Variants in HDAC8 observed in about 807,000 individuals in gnomAD.
HDAC8 encodes histone deacetylase 8.
In HDAC8, 1 loss-of-function variant was observed where a neutral mutation model predicts 32.2. The ratio of observed to expected loss-of-function variants is 0.03; its 90% CI spans 0.01 to 0.15. The LOEUF is 0.15. Among genes scored for constraint, HDAC8 ranks in the 10% least tolerant of loss-of-function variants. The pLI, the probability that HDAC8 is intolerant of heterozygous loss-of-function variation, is 1.00. For synonymous variants in HDAC8, 108 were observed against 113.9 expected, an observed-to-expected ratio of 0.95 and a Z score of 0.33; for missense variants, 117 against 300.0, an observed-to-expected ratio of 0.39 and a Z score of 4.51.
At chrX:72,430,067 C>T (rs919565237) in intron 9 of HDAC8, among the ~76,000 whole-genome samples, 39 of 112,466 alleles carry the variant, frequency 3.5e-4, no homozygotes, top group African/African-American at 1.2e-3. Flanking sequence ...AAATTGTATA[C>T]AGATAAAATG....
In HDAC8 at chrX:72,402,767, C is replaced by G. The variant is rs2045940064; in HGVS notation, c.1006-50929G>C. On this transcript the variant is annotated intron_variant, in intron 9 of 10. Coordinates refer to ENST00000373573, the MANE Select transcript of HDAC8 (RefSeq NM_018486.3). Reference sequence around the variant, plus strand: ...CTGGAGAATGTAATATTCTGTTTGTCTATTTCTTCCTTTTTCTGTGTCCAT... The same window carrying G: ...CTGGAGAATGTAATATTCTGTTTGTGTATTTCTTCCTTTTTCTGTGTCCAT... Among the ~76,000 whole-genome samples, 3 of 111,082 alleles carry G rather than the reference C, an allele frequency of 2.7e-5. No homozygotes were observed. In the Admixed American group the frequency reaches 2.9e-4, roughly 11 times the overall value.
At chrX:72,434,374 T>C (rs1452974635) in intron 9 of HDAC8, among the ~76,000 whole-genome samples, 1 of 112,087 alleles carries the variant, frequency 8.9e-6, no homozygotes, top group Non-Finnish European at 1.9e-5. Flanking sequence ...TTTAAAGAGT[T>C]CCTAAATCCT....
intron 7 of HDAC8, among the ~76,000 whole-genome samples, chrX:72,480,648 C>T (rs2048468357): frequency 8.9e-6 from 1 of 112,099 alleles, no homozygotes; most frequent in Non-Finnish European, 1.9e-5. Flanking sequence ...GACTTGGAAC[C>T]AACCCAAATG....
intron 10 of HDAC8, among the ~76,000 whole-genome samples, chrX:72,337,962 T>C (rs1015107475): frequency 1.2e-4 from 13 of 111,817 alleles, no homozygotes; most frequent in African/African-American, 4.2e-4. Flanking sequence ...CATTTCCAAC[T>C]CTTCTCATAA....
chrX:72,413,894 G>A (rs1435341879), intron 9 of HDAC8, among the ~76,000 whole-genome samples: 1 of 111,935 alleles, frequency 8.9e-6, no homozygotes, highest in Non-Finnish European at 1.9e-5. Flanking sequence ...TGGGAGAATG[G>A]ACTAATACGA....
intron 4 of HDAC8, among the ~76,000 whole-genome samples, chrX:72,504,907 T>C (rs1006943012): frequency 5.4e-5 from 6 of 111,260 alleles, no homozygotes; most frequent in Non-Finnish European, 1.1e-4. Flanking sequence ...CATCCTAGTA[T>C]GTGTGAAGTG....
At chrX:72,462,482 A>G (rs2047894110) in intron 8 of HDAC8, 1 of 120,995 alleles carries the variant, frequency 8.3e-6, no homozygotes, top group African/African-American at 3.2e-5. Flanking sequence ...TTTTGCAACA[A>G]TTCTATAAAA....
chrX:72,388,426 T>A (rs2045514534), intron 9 of HDAC8, among the ~76,000 whole-genome samples: 1 of 109,915 alleles, frequency 9.1e-6, no homozygotes, highest in Admixed American at 9.7e-5. Flanking sequence ...CTTGGGGTCT[T>A]TGGTAAGCCT....
At chrX:72,483,028 A>G (rs1556003937) in intron 7 of HDAC8, among the ~76,000 whole-genome samples, 1 of 111,742 alleles carries the variant, frequency 8.9e-6, no homozygotes, top group Non-Finnish European at 1.9e-5. Flanking sequence ...ATTTGCAAGT[A>G]CCAGTCATAG....
At chrX:72,390,914 A>G (rs2045595564) in intron 9 of HDAC8, among the ~76,000 whole-genome samples, 1 of 112,041 alleles carries the variant, frequency 8.9e-6, no homozygotes, top group Non-Finnish European at 1.9e-5. Flanking sequence ...GTTATTGCAT[A>G]ATTTATAAAA....
chrX:72,510,664 C>T (rs1427975335), intron 4 of HDAC8, among the ~76,000 whole-genome samples: 1 of 110,468 alleles, frequency 9.1e-6, no homozygotes, highest in African/African-American at 3.3e-5. Flanking sequence ...TGAGTGGGTC[C>T]GTGAAAATTG....
intron 9 of HDAC8, among the ~76,000 whole-genome samples, chrX:72,458,363 T>G (rs1341127152): frequency 8.9e-6 from 1 of 112,583 alleles, no homozygotes; most frequent in African/African-American, 3.2e-5. Flanking sequence ...ATGAGCGCTA[T>G]ACTTGAAGTC....
At chrX:72,330,874 T>C (rs2043497843) in intron 10 of HDAC8, 1 of 108,624 alleles carries the variant, frequency 9.2e-6, no homozygotes, top group Non-Finnish European at 1.9e-5. Context: ...GCTCAGTAAA[T>C]GGCTGAATGA....
At chrX:72,397,054 G>A (rs1277285255) in intron 9 of HDAC8, among the ~76,000 whole-genome samples, 1 of 110,788 alleles carries the variant, frequency 9.0e-6, no homozygotes, top group African/African-American at 3.3e-5. Flanking sequence ...AGGGCAAATG[G>A]GGGGCTGGCA....
intron 4 of HDAC8, among the ~76,000 whole-genome samples, chrX:72,560,067 C>G (rs782111004): frequency 1.8e-5 from 2 of 113,124 alleles, no homozygotes; most frequent in African/African-American, 6.4e-5. Context: ...GAGGTGTACC[C>G]AACAGCTCAT....
intron 9 of HDAC8, among the ~76,000 whole-genome samples, chrX:72,353,195 G>A (rs781856738): frequency 2.7e-5 from 3 of 112,326 alleles, no homozygotes; most frequent in Non-Finnish European, 5.6e-5. Flanking sequence ...GGGAGATGTT[G>A]TGGAACAATC....
At chrX:72,528,277 A>T (rs1275524974) in intron 4 of HDAC8, among the ~76,000 whole-genome samples, 2 of 111,872 alleles carry the variant, frequency 1.8e-5, no homozygotes, top group Admixed American at 1.9e-4. Flanking sequence ...AGAGATGCTC[A>T]GAAAGCATTT....
chrX:72,527,354 G>A (rs1013193349), intron 4 of HDAC8, among the ~76,000 whole-genome samples: 5 of 111,735 alleles, frequency 4.5e-5, no homozygotes, highest in Admixed American at 9.5e-5. Context: ...GTCTGAACTC[G>A]GCACTTCCCC....
At chrX:72,367,050 G>A (rs1467484393) in intron 9 of HDAC8, among the ~76,000 whole-genome samples, 6 of 112,320 alleles carry the variant, frequency 5.3e-5, no homozygotes, top group African/African-American at 1.9e-4. Flanking sequence ...GATCCTGCTG[G>A]TAAGAAGGGA....
Sources: allele counts gnomAD v4.1 joint callset (sites outside exome capture counted in the v4.1 genomes callset), GRCh38; gene constraint gnomAD v4.1.1; transcripts MANE v1.5; gene names NCBI Gene and HGNC (gene_info 2026-07-23, HGNC 2026-07-21).